The following DLG5 variants were observed in gnomAD, a reference collection of about 807,000 sequenced individuals.
The protein encoded by DLG5 is discs large MAGUK scaffold protein 5, also known as disks large homolog 5.
A neutral mutation model predicts 189.8 loss-of-function variants in DLG5; 48 were observed. That is an observed-to-expected ratio of 0.25 (90% CI 0.20 to 0.32). DLG5 has a LOEUF of 0.32. Among genes scored for constraint, DLG5 ranks in the 10% least tolerant of loss-of-function variants. The pLI is 1.00. For synonymous variants in DLG5, 1,016 were observed against 1,054.1 expected, an observed-to-expected ratio of 0.96 and a Z score of 0.70; for missense variants, 2,160 against 2,544.7, an observed-to-expected ratio of 0.85 and a Z score of 3.25.
intron 2 of DLG5, among the ~76,000 whole-genome samples, chr10:77,861,891 C>T (rs1002336273): frequency 2.0e-5 from 3 of 152,176 alleles, no homozygotes; most frequent in African/African-American, 7.2e-5. Context: ...GTCAACCAGA[C>T]CCAAGATCCA....
At chr10:77,897,709 G>C (rs1845805252) in intron 1 of DLG5, among the ~76,000 whole-genome samples, 2 of 147,072 alleles carry the variant, frequency 1.4e-5, no homozygotes, top group Non-Finnish European at 3.0e-5. Context: ...GAAAGGGAGA[G>C]AAGGGGAAAG....
chr10:77,807,162 T>C (rs1841519845), intron 25 of DLG5, among the ~76,000 whole-genome samples: 1 of 152,104 alleles, frequency 6.6e-6, no homozygotes, highest in Non-Finnish European at 1.5e-5. Flanking sequence ...ATCAAAGAAC[T>C]CACCAAGATC....
At chr10:77,807,397 C>T (rs1841530848) in intron 25 of DLG5, among the ~76,000 whole-genome samples, 1 of 152,204 alleles carries the variant, frequency 6.6e-6, no homozygotes, top group South Asian at 2.1e-4. Context: ...AGAAAGCCTG[C>T]TGCCATCCCT....
intron 2 of DLG5, among the ~76,000 whole-genome samples, chr10:77,862,055 G>A (rs1383352324): frequency 6.6e-6 from 1 of 152,132 alleles, no homozygotes; most frequent in Non-Finnish European, 1.5e-5. Context: ...AACAGCAAGG[G>A]TTGCAGAAAA....
intron 27 of DLG5, among the ~76,000 whole-genome samples, chr10:77,798,898 G>C (rs1343261190): frequency 3.3e-5 from 5 of 152,154 alleles, no homozygotes; most frequent in Admixed American, 6.5e-5. Context: ...CAATATGATA[G>C]TGGAAATACC....
chr10:77,919,507 A>G (rs541429305), intron 1 of DLG5, among the ~76,000 whole-genome samples: 1 of 151,002 alleles, frequency 6.6e-6, no homozygotes, highest in African/African-American at 2.4e-5. Flanking sequence ...GGGAAAAAAA[A>G]AAAACAAGCA....
At chr10:77,879,610 T>C (rs976502336) in intron 1 of DLG5, among the ~76,000 whole-genome samples, 8 of 151,576 alleles carry the variant, frequency 5.3e-5, no homozygotes, top group Admixed American at 5.2e-4. Flanking sequence ...GAGAAGTAGC[T>C]GGATTTGAGG....
In DLG5 at chr10:77,821,403, C is replaced by T. The variant is rs1842347315; in HGVS notation, c.3081G>A (p.Arg1027=). The T allele has an allele frequency of 6.2e-7, 1 of 1,612,606 alleles. No individual in the cohort carries two copies. The highest frequency in any genetic ancestry group is 2.2e-5 in the East Asian group (1 of 44,850). The stretch of plus-strand genomic sequence containing the variant: ...CTTCTGACTCGGAGCTAGTCTCCAG[C>T]CTGTGCTGGAACTTAATGGAGTCGC... The part of the protein sequence containing the change: ...RRSDSIKFQH[R]LETSSESEAT... Residue 1027 remains arginine (R), a synonymous_variant, in exon 15 of 32, where the codon AGG becomes AGA. Coordinates refer to ENST00000372391, the MANE Select transcript of DLG5 (RefSeq NM_004747.4).
rs150434851 is a variant in DLG5 at position 77,856,754 on chromosome 10, G to A, written c.512C>T (p.Thr171Met). The A allele has an allele frequency of 5.8e-5, 93 of 1,613,378 alleles. No homozygotes were observed. In the African/African-American group the frequency reaches 6.9e-4, roughly 12 times the overall value. The change falls in exon 3 of 32, where the codon ACG becomes ATG. Residue 171 changes from threonine to methionine, a missense_variant. Around this residue, in one of 5 missense-constraint regions of DLG5, gnomAD observed 664 missense variants for 838.5 expected, o/e 0.79. Coordinates refer to ENST00000372391, the MANE Select transcript of DLG5 (RefSeq NM_004747.4). ...NELRKRLAFA[T>M]HGTAFDKRPY... ...CCTCTTGTCAAAGGCCGTGCCATGC[G>A]TAGCAAAGGCCAGGCGCTTGCGGAG...
chr10:77,864,417 A>G (rs1844593017), intron 2 of DLG5, among the ~76,000 whole-genome samples: 1 of 152,000 alleles, frequency 6.6e-6, no homozygotes, highest in African/African-American at 2.4e-5. Context: ...AACTCAGGAC[A>G]CCCAGAGCCA....
At position 77,926,406 on chromosome 10, in the gene DLG5, C is replaced by A. The variant is rs779932216; in HGVS notation, c.115G>T (p.Gly39Cys). 1 of 1,585,244 alleles carries A rather than the reference C, an allele frequency of 6.3e-7. No homozygotes were observed. The highest frequency in any genetic ancestry group is 1.2e-5 in the South Asian group (1 of 85,750). Residue 39 changes from glycine to cysteine, a missense_variant, in exon 1 of 32, where the codon GGC becomes TGC. Transcript: ENST00000372391. This position sits in a 1 kb window ranked among gnomAD's most constrained non-coding sequence, Gnocchi z 5.2. Reference sequence around the variant, plus strand: ...TCCTCGTCCAGCTGCCGCCGCTCGCCGGGACTGAGCGCTCCCGCGGCCTCG... The same window carrying A: ...TCCTCGTCCAGCTGCCGCCGCTCGCAGGGACTGAGCGCTCCCGCGGCCTCG... Reference protein sequence around the residue: ...LLEAAGALSPGERRQLDEEAG... With the variant: ...LLEAAGALSPCERRQLDEEAG...
chr10:77,830,339 A>G lies in DLG5; in HGVS notation c.1887T>C (p.Asp629=). ...EVVEFERETE[D]IDLKALGFDM... is the part of the protein sequence containing the mutation. ...CAAACCCCAGTGCCTTCAAGTCAAT[A>G]TCCTCCTGCAAAAACAGCAGCAACA... Residue 629 remains aspartate (D), a synonymous_variant, in exon 11 of 32, where the codon GAT becomes GAC. Transcript: ENST00000372391. 6.2e-7 allele frequency: 1 copy of G among 1,614,162 alleles called. No individual in the cohort carries two copies. Among genetic ancestry groups the G allele is most frequent in the Non-Finnish European group, 8.5e-7 (1 of 1,180,030 alleles).
In DLG5 at chr10:77,796,411, A is replaced by C. The variant is rs746552336; in HGVS notation, c.5308+40T>G. On this transcript the variant is annotated intron_variant, in intron 28 of 31. Transcript: ENST00000372391. The surrounding 1 kb of genome is among the most constrained non-coding windows in gnomAD (Gnocchi z 5.2). ...GCAGGTGGACAGGGACATAGAGACA[A>C]AGAGCCCAGTAGGCACAGAGGGTGC... 3.1e-6 allele frequency: 5 copies of C among 1,613,854 alleles called. No homozygotes were observed. Among genetic ancestry groups the C allele is most frequent in the Non-Finnish European group, 4.2e-6 (5 of 1,179,948 alleles).
upstream of DLG5, chr10:77,927,016 C>T (rs1230703485): frequency 3.0e-6 from 1 of 328,404 alleles, no homozygotes. Context: ...GCTCGGAGGC[C>T]GCCTCGGCCC....
At chr10:77,906,112 C>T (rs1433531314) in intron 1 of DLG5, among the ~76,000 whole-genome samples, 1 of 152,226 alleles carries the variant, frequency 6.6e-6, no homozygotes, top group African/African-American at 2.4e-5. Flanking sequence ...AGTGAACACC[C>T]TGGACCTTCC....
the DLG5 span, among the ~76,000 whole-genome samples, chr10:77,935,757 T>G: frequency 6.6e-6 from 1 of 152,340 alleles, no homozygotes; most frequent in Non-Finnish European, 1.5e-5. Flanking sequence ...TGGGTGTCTG[T>G]GAGTGCAAAC....
At chr10:77,901,356 T>C (rs1203449615) in intron 1 of DLG5, among the ~76,000 whole-genome samples, 1 of 152,194 alleles carries the variant, frequency 6.6e-6, no homozygotes, top group East Asian at 1.9e-4. Context: ...CAGAGCAGAC[T>C]TGACCTTTAC....
the DLG5 span, among the ~76,000 whole-genome samples, chr10:77,934,796 T>C: frequency 1.3e-5 from 2 of 152,000 alleles, no homozygotes; most frequent in African/African-American, 2.4e-5. Flanking sequence ...CAAGCTGACC[T>C]GGACCTGTCA....
At chr10:77,862,008 C>T (rs989162460) in intron 2 of DLG5, among the ~76,000 whole-genome samples, 2 of 151,958 alleles carry the variant, frequency 1.3e-5, no homozygotes, top group Non-Finnish European at 2.9e-5. Context: ...ACCTCATGAC[C>T]AATCTCAAGA....
Sources: allele counts gnomAD v4.1 joint callset (sites outside exome capture counted in the v4.1 genomes callset), GRCh38; gene constraint gnomAD v4.1.1; regional missense constraint gnomAD v4.1.1; non-coding constraint Gnocchi (gnomAD v3.1); transcripts MANE v1.5; gene names NCBI Gene and HGNC (gene_info 2026-07-23, HGNC 2026-07-21).